The following ADAM19 variants were observed in gnomAD, a reference collection of about 807,000 sequenced individuals.
ADAM19 encodes the protein disintegrin and metalloproteinase domain-containing protein 19.
A neutral mutation model predicts 114.7 loss-of-function variants in ADAM19; 65 were observed. The observed-to-expected ratio is 0.57, with a 90% CI of 0.46 to 0.70. The LOEUF (loss-of-function observed/expected upper bound fraction) is 0.70, where lower values mean the gene tolerates loss of function less well. ADAM19 is among the 30% of genes least tolerant of loss of function. The probability of loss-of-function intolerance (pLI) is 0.00; values close to 1 mark genes in which losing one functional copy is unlikely to be tolerated. For synonymous variants in ADAM19, 466 were observed against 460.5 expected (o/e 1.01, Z -0.15); for missense variants, 1,063 against 1,204.7 (o/e 0.88, Z 1.74).
Position 157,537,940 on chromosome 5 carries a change from G to T in ADAM19, c.303C>A (p.Asn101Lys), listed in dbSNP as rs1219898100. 6.2e-7 allele frequency: 1 copy of T among 1,613,934 alleles called. No homozygotes were observed. The highest frequency in any genetic ancestry group is 8.5e-7 in the Non-Finnish European group (1 of 1,180,008). The change falls in exon 4 of 23, where the codon AAC (asparagine) becomes AAA (lysine). Residue 101 changes from asparagine (N) to lysine (K), a missense_variant. By Grantham distance (94) the Asn-to-Lys change is moderately conservative. Coordinates refer to ENST00000257527, the MANE Select transcript of ADAM19 (RefSeq NM_033274.5). Reference protein sequence around the residue: ...YTETHYTSSGNPQTTTRKLED... With the variant: ...YTETHYTSSGKPQTTTRKLED... The stretch of plus-strand genomic sequence containing the variant: ...CCAATTTCCGTGTGGTGGTTTGAGG[G>T]TTACCACTTGAAGTATAATGGGTTT...
chr5:157,542,615 A>G (rs1003513700), intron 3 of ADAM19, among the ~76,000 whole-genome samples: 8 of 152,254 alleles, frequency 5.3e-5, no homozygotes, highest in African/African-American at 1.9e-4. Flanking sequence ...GTTCCAGACC[A>G]GCCTGGACAA....
rs146453088 is a variant in ADAM19 at position 157,488,303 on chromosome 5, G to A, written c.2512C>T (p.Arg838Trp). The change falls in exon 21 of 23, where the codon CGG becomes TGG. Residue 838 changes from arginine to tryptophan, a missense_variant. By Grantham distance (101) the Arg-to-Trp change is moderately radical. Around this residue, in one of 3 missense-constraint regions of ADAM19, gnomAD observed 424 missense variants for 445.5 expected, o/e 0.95. Transcript: ENST00000257527. ...TESSRRPPPS[R>W]PIPPAPNCIV... ...CAATTTGGTGCGGGGGGAATTGGCC[G>A]GCTTGGAGGAGGCCTCCTGGACGAC... is the stretch of plus-strand genomic sequence containing the variant. 590 of 1,614,044 alleles carry A rather than the reference G, an allele frequency of 3.7e-4. No homozygotes were observed. The highest frequency in any genetic ancestry group is 4.8e-4 in the Non-Finnish European group (562 of 1,179,924).
At chr5:157,510,082 T>C (rs1430838078) in intron 8 of ADAM19, among the ~76,000 whole-genome samples, 1 of 152,220 alleles carries the variant, frequency 6.6e-6, no homozygotes, top group Non-Finnish European at 1.5e-5. Flanking sequence ...TGTATATAGA[T>C]TTTTTAAAGC....
At chr5:157,502,455 G>A (rs1755595955) in intron 12 of ADAM19, among the ~76,000 whole-genome samples, 1 of 152,210 alleles carries the variant, frequency 6.6e-6, no homozygotes, top group African/African-American at 2.4e-5. Context: ...ATATCTGGCT[G>A]TGTGGCCTCC....
Position 157,479,203 on chromosome 5 carries a change from A to C in ADAM19, c.*1746T>G. On this transcript the variant is annotated 3_prime_UTR_variant, in exon 23 of 23. Transcript: ENST00000257527. ...GGGAAGAGAAACTCATTTTCCTGAGATCTTTCTAAACCCAACCCAGGCTTT... is the reference window on the plus strand; with the variant it reads ...GGGAAGAGAAACTCATTTTCCTGAGCTCTTTCTAAACCCAACCCAGGCTTT... 1 of 985,838 alleles carries C rather than the reference A, an allele frequency of 1.0e-6. No homozygotes were observed. The highest frequency in any genetic ancestry group is 1.2e-6 in the Non-Finnish European group (1 of 829,944). 61.1% of individuals were successfully genotyped at this position (985,838 alleles called of 1,614,324 possible).
chr5:157,505,234 T>C (rs1487303884), intron 11 of ADAM19, among the ~76,000 whole-genome samples: 1 of 151,362 alleles, frequency 6.6e-6, no homozygotes, highest in Non-Finnish European at 1.5e-5. Flanking sequence ...GTGGGGTGTG[T>C]GGATGGCCCT....
chr5:157,510,210 C>T (rs1042992046), intron 8 of ADAM19, among the ~76,000 whole-genome samples: 3 of 152,248 alleles, frequency 2.0e-5, no homozygotes, highest in Non-Finnish European at 2.9e-5. Flanking sequence ...CGTGGTGGCT[C>T]ACACCTGTAA....
chr5:157,561,134 G>A (rs11740315), intron 3 of ADAM19, among the ~76,000 whole-genome samples: 49,399 of 152,154 alleles, frequency 0.32, 9,052 homozygotes, highest in African/African-American at 0.48. Flanking sequence ...ACTCAATAGA[G>A]AAAAGAATGT....
intron 1 of ADAM19, chr5:157,572,407 T>C (rs2113803465): frequency 2.4e-5 from 9 of 376,174 alleles, no homozygotes; most frequent in South Asian, 1.8e-4. Flanking sequence ...CTAAACAGAC[T>C]GGTCTCCGTA....
In ADAM19 at chr5:157,505,799, C is replaced by T. The variant is rs768825848; in HGVS notation, c.1000G>A (p.Glu334Lys). ...QSGGVNMDHS[E>K]NAIGVAATMA... ...GTGGCAGCCACGCCAATGGCATTCT[C>T]GGAGTGGTCCTGCTCAGAAGACAGA... The change falls in exon 11 of 23, where the codon GAG (glutamate) becomes AAG (lysine). Residue 334 changes from glutamate to lysine, a missense_variant. By Grantham distance (56) the Glu-to-Lys change is moderately conservative. Coordinates refer to ENST00000257527, the MANE Select transcript of ADAM19 (RefSeq NM_033274.5). 1.9e-6 allele frequency: 3 copies of T among 1,614,024 alleles called. No homozygotes were observed. Among genetic ancestry groups the T allele is most frequent in the Non-Finnish European group, 2.5e-6 (3 of 1,179,956 alleles).
rs1175848267 is a variant in ADAM19, at chr5:157,497,012, G to A, written c.1476C>T (p.Pro492=). 3.8e-6 allele frequency: 6 copies of A among 1,595,176 alleles called. No homozygotes were observed. The African/African-American group carries it at 8.2e-5, about 22-fold the overall frequency. ...DLPEFCTGKS[P]HCPTNFYQMD... Reference sequence around the variant, plus strand: ...TCTGGTAGAAGTTGGTAGGGCAGTGGGGAGACTTGCCCGTACAGAACTCCG... The same window carrying A: ...TCTGGTAGAAGTTGGTAGGGCAGTGAGGAGACTTGCCCGTACAGAACTCCG... Residue 492 remains proline (P), a synonymous_variant, in exon 14 of 23, where the codon CCC becomes CCT. Transcript: ENST00000257527.
At chr5:157,545,995 G>A (rs2113772897) in intron 3 of ADAM19, among the ~76,000 whole-genome samples, 1 of 152,352 alleles carries the variant, frequency 6.6e-6, no homozygotes, top group African/African-American at 2.4e-5. Flanking sequence ...GCACCTGCAA[G>A]TCCACTTGCA....
intron 18 of ADAM19, 63 bp from the exon 19 acceptor site, chr5:157,490,517 A>G: frequency 6.3e-7 from 1 of 1,575,408 alleles, no homozygotes. Flanking sequence ...AGATTTCAAA[A>G]TAGGTATTCG....
chr5:157,548,109 TG>T (rs767300395), intron 3 of ADAM19, among the ~76,000 whole-genome samples: 1 of 152,184 alleles, frequency 6.6e-6, no homozygotes, highest in Non-Finnish European at 1.5e-5. Flanking sequence ...TACTCCCTAT[TG>T]TATGAGCCAA....
intron 5 of ADAM19, among the ~76,000 whole-genome samples, chr5:157,525,804 C>G (rs1476823997): frequency 6.6e-6 from 1 of 152,230 alleles, no homozygotes; most frequent in African/African-American, 2.4e-5. Context: ...ACACATTCTC[C>G]TGCATTCATT....
At chr5:157,564,718 A>G (rs778196724) in intron 2 of ADAM19, among the ~76,000 whole-genome samples, 4 of 152,232 alleles carry the variant, frequency 2.6e-5, no homozygotes, top group Non-Finnish European at 5.9e-5. Flanking sequence ...GAAACACTGG[A>G]AAACACAATC....
At chr5:157,560,774 G>T (rs1023181207) in intron 3 of ADAM19, among the ~76,000 whole-genome samples, 1 of 152,218 alleles carries the variant, frequency 6.6e-6, no homozygotes. Flanking sequence ...GATTTTCCTC[G>T]TGGGAGGGAA....
chr5:157,524,228 C>T (rs899987095), intron 5 of ADAM19, among the ~76,000 whole-genome samples: 6 of 152,248 alleles, frequency 3.9e-5, no homozygotes, highest in African/African-American at 1.4e-4. Context: ...CTTGGTTGAT[C>T]TAATTTGCTG....
intron 15 of ADAM19, among the ~76,000 whole-genome samples, chr5:157,493,394 A>G (rs1485483935): frequency 2.0e-5 from 3 of 152,180 alleles, no homozygotes; most frequent in Non-Finnish European, 2.9e-5. Flanking sequence ...GAGCAAATCT[A>G]GACCAGAGAA....
Sources: allele counts gnomAD v4.1 joint callset (sites outside exome capture counted in the v4.1 genomes callset), GRCh38; gene constraint gnomAD v4.1.1; regional missense constraint gnomAD v4.1.1; transcripts MANE v1.5; gene names NCBI Gene and HGNC (gene_info 2026-07-23, HGNC 2026-07-21).